Variants in STK39 observed in about 807,000 individuals in gnomAD.
The protein encoded by STK39 is STE20/SPS1-related proline-alanine-rich protein kinase.
STK39 carries 20 observed loss-of-function variants against 77.8 expected under a neutral mutation model. That is an observed-to-expected ratio of 0.26 (90% CI 0.18 to 0.37). The LOEUF (loss-of-function observed/expected upper bound fraction) is 0.37, where lower values mean the gene tolerates loss of function less well. Ranked by LOEUF, STK39 falls within the 10% of genes least tolerant of loss-of-function variation. STK39 has a pLI of 1.00. For missense variants in STK39, 479 were observed against 656.5 expected (o/e 0.73, Z 2.95); for synonymous variants, 246 against 234.1 (o/e 1.05, Z -0.47).
At chr2:168,063,659 T>G in intron 13 of STK39, 89 bp from the exon 14 acceptor site, 1 of 1,261,926 alleles carries the variant, frequency 7.9e-7, no homozygotes, top group African/African-American at 1.5e-5. Flanking sequence ...ATATAGCCAT[T>G]TCTTTCTGGA....
chr2:168,048,663 C>G, intron 14 of STK39, among the ~76,000 whole-genome samples: 1 of 152,298 alleles, frequency 6.6e-6, no homozygotes, highest in East Asian at 1.9e-4. Flanking sequence ...AAACACTAAC[C>G]GAACCACTCA....
rs181335967 is a variant in STK39 at position 168,222,738 on chromosome 2, G to A, written c.208+24490C>T. On this transcript the variant is annotated intron_variant, in intron 1 of 17. Transcript: ENST00000355999. ...GCTTAACTAATGTTTATTGCATGAC[G>A]GTGAATTCTCTAGTCAGTGAATTCT... 5.9e-5 allele frequency among the ~76,000 whole-genome samples: 9 copies of A among 152,112 alleles called. No individual in the cohort carries two copies. The South Asian group carries it at 8.3e-4, about 14-fold the overall frequency.
intron 16 of STK39, among the ~76,000 whole-genome samples, chr2:167,982,798 G>A (rs954748764): frequency 2.6e-5 from 4 of 152,200 alleles, no homozygotes; most frequent in African/African-American, 9.6e-5. Flanking sequence ...CAAAGATGAA[G>A]ATAGGTAGAG....
Position 168,012,636 on chromosome 2 carries a change from A to G in STK39, c.1496T>C (p.Ile499Thr). The change falls in exon 16 of 18, where the codon ATA (isoleucine) becomes ACA (threonine). Residue 499 changes from isoleucine to threonine, a missense_variant and splice_region_variant. By Grantham distance (89) the Ile-to-Thr change is moderately conservative. Around this residue, in one of 3 missense-constraint regions of STK39, gnomAD observed 244 missense variants for 296.8 expected, o/e 0.82. Coordinates refer to ENST00000355999, the MANE Select transcript of STK39 (RefSeq NM_013233.3). Reference sequence around the variant, plus strand: ...GTGCATACTAAAAAACAATTTACCTATAACTACATCGTGACCATCCACCAA... The same window carrying G: ...GTGCATACTAAAAAACAATTTACCTGTAACTACATCGTGACCATCCACCAA... ...AGLVDGHDVV[I>T]VAANLQKIVD... 1.9e-6 allele frequency: 3 copies of G among 1,613,514 alleles called. No individual in the cohort carries two copies. Among genetic ancestry groups the G allele is most frequent in the Middle Eastern group, 1.7e-4 (1 of 6,054 alleles).
Position 168,247,370 on chromosome 2 carries a change from CGCT to C in STK39, c.63_65del (p.Ala27del), listed in dbSNP as rs766430649. 9.9e-6 allele frequency: 10 copies of C among 1,007,500 alleles called. No homozygotes were observed. Among genetic ancestry groups the C allele is most frequent in the African/African-American group, 3.4e-5 (2 of 59,650 alleles). The allele number at this position is 1,007,500 out of a possible 1,614,324, so 62.4% of individuals were successfully genotyped here. On this transcript the variant is annotated inframe_deletion, in exon 1 of 18. Transcript: ENST00000355999. Reference sequence around the variant, plus strand: ...CGGCCGCCGGGGCCGCCGCCGCCGCCGCTGTCACCGGGGCCGCCTGCTGGGGAA... The same window carrying C: ...CGGCCGCCGGGGCCGCCGCCGCCGCCGTCACCGGGGCCGCCTGCTGGGGAA...
At chr2:168,031,987 A>G (rs1327742781) in intron 14 of STK39, among the ~76,000 whole-genome samples, 1 of 152,210 alleles carries the variant, frequency 6.6e-6, no homozygotes, top group Non-Finnish European at 1.5e-5. Context: ...TCATCCCTTC[A>G]ACGGTTCCAA....
At chr2:168,162,730 A>C (rs1039174362) in intron 4 of STK39, among the ~76,000 whole-genome samples, 10 of 152,160 alleles carry the variant, frequency 6.6e-5, no homozygotes, top group Non-Finnish European at 1.3e-4. Context: ...CTTTTTTCTA[A>C]TTATTGAAAA....
chr2:168,163,654 C>T (rs1414935570), intron 4 of STK39, 85 bp downstream of exon 4: 16 of 1,603,514 alleles, frequency 1.0e-5, no homozygotes, highest in Admixed American at 1.7e-5. Flanking sequence ...GTGAATCTGA[C>T]CGTTTCTGTG....
At chr2:168,132,657 C>T (rs1465835681) in intron 8 of STK39, among the ~76,000 whole-genome samples, 1 of 152,190 alleles carries the variant, frequency 6.6e-6, no homozygotes, top group Non-Finnish European at 1.5e-5. Flanking sequence ...TAAATGTCAT[C>T]TTCAAAGATA....
intron 5 of STK39, among the ~76,000 whole-genome samples, chr2:168,145,370 A>C (rs575625789): frequency 6.6e-6 from 1 of 152,138 alleles, no homozygotes; most frequent in Admixed American, 6.5e-5. Flanking sequence ...AGACTTTAGG[A>C]GTGCTGGGCC....
intron 1 of STK39, among the ~76,000 whole-genome samples, chr2:168,215,511 A>G (rs1250308669): frequency 1.3e-5 from 2 of 152,216 alleles, no homozygotes. Flanking sequence ...TCCTCCAGCT[A>G]CCATGCTAAA....
chr2:168,122,595 A>G (rs1687436498), intron 10 of STK39, among the ~76,000 whole-genome samples: 1 of 151,950 alleles, frequency 6.6e-6, no homozygotes, highest in African/African-American at 2.4e-5. Context: ...ACACACCACC[A>G]TGCCCAGCTA....
intron 1 of STK39, among the ~76,000 whole-genome samples, chr2:168,241,426 C>A (rs1471927760): frequency 6.6e-6 from 1 of 152,220 alleles, no homozygotes; most frequent in Non-Finnish European, 1.5e-5. Context: ...CTTCAGCAAC[C>A]TTCCCGCAGG....
At position 168,119,620 on chromosome 2, in the gene STK39, C is replaced by T. The variant is rs1035473362; in HGVS notation, c.1089+9921G>A. Among the ~76,000 whole-genome samples, 146 of 152,278 alleles carry T rather than the reference C, an allele frequency of 9.6e-4. 3 individuals carry two copies. Among genetic ancestry groups the T allele is most frequent in the Admixed American group, 9.5e-3 (145 of 15,280 alleles). On this transcript the variant is annotated intron_variant, in intron 10 of 17. Coordinates refer to ENST00000355999, the MANE Select transcript of STK39 (RefSeq NM_013233.3). Reference sequence around the variant, plus strand: ...ACCTAACACCCCTTTGATCCCTCAACTCCAAGTCTGAGGCCTTCGACAAAG... The same window carrying T: ...ACCTAACACCCCTTTGATCCCTCAATTCCAAGTCTGAGGCCTTCGACAAAG...
At chr2:167,979,755 C>T (rs1683367989) in intron 16 of STK39, among the ~76,000 whole-genome samples, 1 of 152,160 alleles carries the variant, frequency 6.6e-6, no homozygotes. Context: ...GAAACCCTGA[C>T]TTTCTTCTAC....
At chr2:167,968,378 AG>A (rs1692221803) in intron 16 of STK39, among the ~76,000 whole-genome samples, 1 of 152,246 alleles carries the variant, frequency 6.6e-6, no homozygotes, top group Non-Finnish European at 1.5e-5. Flanking sequence ...TTTGACAGTT[AG>A]AAAAATAAGT....
At chr2:167,988,713 A>C (rs1211721254) in intron 16 of STK39, among the ~76,000 whole-genome samples, 3 of 152,232 alleles carry the variant, frequency 2.0e-5, no homozygotes. Context: ...AGTTTACATT[A>C]AATGTTCAGT....
rs376310273 is a variant in STK39, at chr2:168,140,295, G to A, written c.834C>T (p.Pro278=). ...TGAAPYHKYP[P]MKVLMLTLQN... ...TATTTCCAATTGTAATTACTTTCAT[G>A]GGAGGATATTTGTGATAAGGCGCTG... Residue 278 remains proline (P), a synonymous_variant, in exon 7 of 18, where the codon CCC becomes CCT. Coordinates refer to ENST00000355999, the MANE Select transcript of STK39 (RefSeq NM_013233.3). 1.2e-6 allele frequency: 2 copies of A among 1,612,378 alleles called. No individual in the cohort carries two copies. Among genetic ancestry groups the A allele is most frequent in the Middle Eastern group, 1.7e-4 (1 of 6,056 alleles).
intron 1 of STK39, among the ~76,000 whole-genome samples, chr2:168,244,341 C>T (rs1357273095): frequency 6.6e-6 from 1 of 152,236 alleles, no homozygotes; most frequent in African/African-American, 2.4e-5. Flanking sequence ...GGGGACCAAA[C>T]TCTGCCCAGA....
Sources: allele counts gnomAD v4.1 joint callset (sites outside exome capture counted in the v4.1 genomes callset), GRCh38; gene constraint gnomAD v4.1.1; regional missense constraint gnomAD v4.1.1; transcripts MANE v1.5; gene names NCBI Gene and HGNC (gene_info 2026-07-23, HGNC 2026-07-21).